ARHGEF4: variants seen among roughly 807,000 people sequenced by gnomAD.
ARHGEF4 encodes the protein Rho guanine nucleotide exchange factor 4.
In ARHGEF4, 119 loss-of-function variants were observed where a neutral mutation model predicts 162.0. That is an observed-to-expected ratio of 0.73 (90% CI 0.63 to 0.86). ARHGEF4 has a LOEUF of 0.86. ARHGEF4 is among the 40% of genes least tolerant of loss of function. The probability of loss-of-function intolerance (pLI) is 0.00; values close to 1 mark genes in which losing one functional copy is unlikely to be tolerated. For synonymous variants in ARHGEF4, 1,014 were observed against 979.9 expected (o/e 1.03, Z -0.65); for missense variants, 2,488 against 2,456.0 (o/e 1.01, Z -0.28).
chr2:130,843,135 A>ATC (rs1406388688), intron 1 of ARHGEF4, among the ~76,000 whole-genome samples: 2 of 152,060 alleles, frequency 1.3e-5, no homozygotes, highest in East Asian at 3.9e-4. Context: ...TTATATTGGG[A>ATC]TCTCCTCCTC....
At chr2:131,041,583 C>T (rs1690813354) in intron 9 of ARHGEF4, 121 bp downstream of exon 9, 2 of 1,175,910 alleles carry the variant, frequency 1.7e-6, no homozygotes, top group Non-Finnish European at 2.4e-6. Flanking sequence ...AGAAAACTAG[C>T]CCTGTCCTGA....
chr2:131,033,522 C>T (rs775241074), intron 5 of ARHGEF4, among the ~76,000 whole-genome samples: 1 of 152,214 alleles, frequency 6.6e-6, no homozygotes, highest in African/African-American at 2.4e-5. Context: ...GACATGTACC[C>T]TTCTGGGTGG....
intron 4 of ARHGEF4, among the ~76,000 whole-genome samples, chr2:131,017,845 A>G (rs1688864136): frequency 6.6e-6 from 1 of 152,210 alleles, no homozygotes; most frequent in African/African-American, 2.4e-5. Context: ...GGCTCAACAG[A>G]GTAAAGATTT....
intron 4 of ARHGEF4, among the ~76,000 whole-genome samples, chr2:131,009,572 A>G (rs980520325): frequency 2.0e-5 from 3 of 151,958 alleles, no homozygotes; most frequent in African/African-American, 7.3e-5. Context: ...AAATTGGATC[A>G]TTTCTATTCG....
intron 2 of ARHGEF4, among the ~76,000 whole-genome samples, 200 bp from the exon 3 acceptor site, chr2:130,930,752 G>A (rs1682579525): frequency 6.6e-6 from 1 of 152,196 alleles, no homozygotes; most frequent in African/African-American, 2.4e-5. Flanking sequence ...CATTTTAACA[G>A]AGACAAGATT....
At chr2:130,891,745 A>G (rs761431841) in intron 1 of ARHGEF4, among the ~76,000 whole-genome samples, 1 of 152,060 alleles carries the variant, frequency 6.6e-6, no homozygotes, top group South Asian at 2.1e-4. Context: ...TGAGGGCCTC[A>G]TGCTTATGAT....
At chr2:131,042,239 G>C (rs954829748) in intron 10 of ARHGEF4, among the ~76,000 whole-genome samples, 5 of 152,210 alleles carry the variant, frequency 3.3e-5, no homozygotes, top group Non-Finnish European at 7.3e-5. Context: ...CCTCAGCTGT[G>C]TTCTGTTCCT....
intron 1 of ARHGEF4, among the ~76,000 whole-genome samples, chr2:130,898,604 A>G (rs1464412133): frequency 2.0e-5 from 3 of 152,098 alleles, no homozygotes; most frequent in African/African-American, 7.2e-5. Context: ...AGAGAAAGGA[A>G]GGCCTGGGTT....
chr2:131,045,028 C>A (rs1285585622), intron 12 of ARHGEF4, among the ~76,000 whole-genome samples: 1 of 152,184 alleles, frequency 6.6e-6, no homozygotes, highest in Non-Finnish European at 1.5e-5. Flanking sequence ...CCACATTACC[C>A]GCCACAGTGA....
intron 1 of ARHGEF4, among the ~76,000 whole-genome samples, chr2:130,877,059 C>G (rs532314157): frequency 6.6e-6 from 1 of 152,248 alleles, no homozygotes; most frequent in African/African-American, 2.4e-5. Context: ...GGAAGCCCTC[C>G]ATGGTGGCGA....
intron 4 of ARHGEF4, among the ~76,000 whole-genome samples, chr2:130,949,815 ATTG>A (rs1683841112): frequency 6.6e-6 from 1 of 151,838 alleles, no homozygotes; most frequent in African/African-American, 2.4e-5. Context: ...TGCCCAGCTA[ATTG>A]TTGTATTTTT....
intron 4 of ARHGEF4, among the ~76,000 whole-genome samples, chr2:131,010,551 C>T (rs535289589): frequency 5.3e-5 from 8 of 152,270 alleles, no homozygotes; most frequent in South Asian, 4.1e-4. Flanking sequence ...TTTTGGATGA[C>T]GCTAATGGCC....
At chr2:130,844,675 G>A (rs1018967580) in intron 1 of ARHGEF4, among the ~76,000 whole-genome samples, 1 of 152,008 alleles carries the variant, frequency 6.6e-6, no homozygotes, top group Admixed American at 6.5e-5. Flanking sequence ...GTGCCCTGGG[G>A]CACCTTCATG....
At chr2:130,842,721 A>C (rs1479892313) in intron 1 of ARHGEF4, among the ~76,000 whole-genome samples, 1 of 152,174 alleles carries the variant, frequency 6.6e-6, no homozygotes, top group African/African-American at 2.4e-5. Flanking sequence ...GGCTTCAACT[A>C]GGTGAAATCC....
At chr2:130,901,413 C>A (rs1680481502) in intron 1 of ARHGEF4, among the ~76,000 whole-genome samples, 1 of 152,156 alleles carries the variant, frequency 6.6e-6, no homozygotes, top group Non-Finnish European at 1.5e-5. Flanking sequence ...GTTGGGCTTT[C>A]CTCTTGCTGG....
chr2:130,989,523 A>G (rs1406915568), intron 4 of ARHGEF4, among the ~76,000 whole-genome samples: 2 of 152,244 alleles, frequency 1.3e-5, no homozygotes, highest in East Asian at 3.8e-4. Context: ...TTAGCATTGC[A>G]CATGACTATG....
At chr2:130,965,336 TGAAGG>T (rs1684932782) in intron 4 of ARHGEF4, among the ~76,000 whole-genome samples, 3 of 152,232 alleles carry the variant, frequency 2.0e-5, no homozygotes, top group Non-Finnish European at 2.9e-5. Flanking sequence ...GAGAGAGAAG[TGAAGG>T]ACATGCAGAC....
At chr2:130,949,707 G>A (rs1047370566) in intron 4 of ARHGEF4, among the ~76,000 whole-genome samples, 5 of 151,156 alleles carry the variant, frequency 3.3e-5, no homozygotes, top group Non-Finnish European at 5.9e-5. Flanking sequence ...GTGCAGTGGT[G>A]CGATCGATCT....
At chr2:130,872,044 C>T (rs1678521987) in intron 1 of ARHGEF4, among the ~76,000 whole-genome samples, 1 of 152,224 alleles carries the variant, frequency 6.6e-6, no homozygotes, top group South Asian at 2.1e-4. Flanking sequence ...AACAGGGCCT[C>T]GCAGCACCGC....
Sources: allele counts gnomAD v4.1 joint callset (sites outside exome capture counted in the v4.1 genomes callset), GRCh38; gene constraint gnomAD v4.1.1; transcripts MANE v1.5; gene names NCBI Gene and HGNC (gene_info 2026-07-23, HGNC 2026-07-21).